Variants in SIPA1L3 observed in about 807,000 individuals in gnomAD.
SIPA1L3 encodes signal-induced proliferation-associated 1-like protein 3.
SIPA1L3 carries 59 observed loss-of-function variants against 150.1 expected under a neutral mutation model. The ratio of observed to expected loss-of-function variants is 0.39; its 90% CI spans 0.32 to 0.49. SIPA1L3 has a LOEUF of 0.49. Ranked by LOEUF, SIPA1L3 falls within the 20% of genes least tolerant of loss-of-function variation. SIPA1L3 has a pLI of 0.86. For synonymous variants in SIPA1L3, 1,070 were observed against 1,077.6 expected (o/e 0.99, Z 0.14); for missense variants, 2,211 against 2,489.5 (o/e 0.89, Z 2.38).
chr19:38,060,662 T>A lies in SIPA1L3; in HGVS notation c.-310-20594T>A, dbSNP rs370149582. On this transcript the variant is annotated intron_variant, in intron 2 of 21. Coordinates refer to ENST00000222345, the MANE Select transcript of SIPA1L3 (RefSeq NM_015073.3). ...AATGAGCTTGGTAGGTAGATAAAAG[T>A]ATAAAATATGTAGCTTGAAAGATTT... Among the ~76,000 whole-genome samples the A allele has an allele frequency of 5.9e-5, 9 of 152,306 alleles. No homozygotes were observed. In the South Asian group the frequency reaches 1.0e-3, roughly 18 times the overall value.
chr19:37,955,706 G>A (rs1053737412), intron 1 of SIPA1L3, among the ~76,000 whole-genome samples: 10 of 152,238 alleles, frequency 6.6e-5, no homozygotes, highest in East Asian at 5.8e-4. Flanking sequence ...CATATCAGTC[G>A]TTCATTTGTT....
chr19:38,132,939 C>T (rs181772743), intron 10 of SIPA1L3, among the ~76,000 whole-genome samples: 11 of 152,276 alleles, frequency 7.2e-5, no homozygotes, highest in East Asian at 3.9e-4. Context: ...TGAGCCACCG[C>T]GCCTGGCCTT....
chr19:38,040,369 T>A (rs962136487), intron 2 of SIPA1L3, among the ~76,000 whole-genome samples: 28 of 151,646 alleles, frequency 1.8e-4, no homozygotes, highest in African/African-American at 6.5e-4. Flanking sequence ...TTAGACAGTT[T>A]TTTTTTTTAA....
At chr19:38,077,269 A>G (rs116870044) in intron 2 of SIPA1L3, among the ~76,000 whole-genome samples, 5,235 of 152,020 alleles carry the variant, frequency 0.034, 137 homozygotes, top group South Asian at 0.084. Context: ...TGGGCAACAT[A>G]CTAAGACCCC....
In SIPA1L3 at chr19:38,182,513, T is replaced by C; in HGVS notation, c.4209-6T>C. ...TTTTTTTATCTCTTTCATTTTTGCT[T>C]TGCAGTGACATGGGCTCGAGGGTTG... is the stretch of plus-strand genomic sequence containing the variant. On this transcript the variant is annotated splice_polypyrimidine_tract_variant and splice_region_variant and intron_variant, in intron 15 of 21. Transcript: ENST00000222345. 1 of 1,587,576 alleles carries C rather than the reference T, an allele frequency of 6.3e-7. No homozygotes were observed.
intron 9 of SIPA1L3, 81 bp from the exon 10 acceptor site, chr19:38,130,417 A>AAGCG (rs1971277587): frequency 6.8e-7 from 1 of 1,477,478 alleles, no homozygotes; most frequent in Non-Finnish European, 9.1e-7. Flanking sequence ...TTTGGCTTCA[A>AAGCG]AGCGGGGAAC....
chr19:37,926,234 C>T (rs573519585), intron 1 of SIPA1L3, among the ~76,000 whole-genome samples: 1 of 152,350 alleles, frequency 6.6e-6, no homozygotes, highest in African/African-American at 2.4e-5. Context: ...TCACCATCCT[C>T]TTTCAGTGAC....
intron 1 of SIPA1L3, among the ~76,000 whole-genome samples, chr19:38,020,139 A>G (rs1250395403): frequency 6.6e-6 from 1 of 152,146 alleles, no homozygotes; most frequent in African/African-American, 2.4e-5. Context: ...CTCACACTTA[A>G]TGCATACTTA....
At chr19:37,993,979 A>G (rs569362472) in intron 1 of SIPA1L3, among the ~76,000 whole-genome samples, 2 of 152,276 alleles carry the variant, frequency 1.3e-5, no homozygotes, top group African/African-American at 4.8e-5. Flanking sequence ...ACTGCAGCCA[A>G]GAATTCCTGG....
At chr19:38,130,866 GA>G in intron 10 of SIPA1L3, 94 bp downstream of exon 10, 1 of 1,386,694 alleles carries the variant, frequency 7.2e-7, no homozygotes, top group Non-Finnish European at 9.8e-7. Flanking sequence ...GGTCCCAATA[GA>G]GGGGGGATAG....
intron 1 of SIPA1L3, among the ~76,000 whole-genome samples, chr19:38,017,624 G>A (rs10418855): frequency 0.032 from 4,788 of 151,146 alleles, 222 homozygotes; most frequent in African/African-American, 0.11. Context: ...TCCTGGGCTC[G>A]AGTGATCCTC....
chr19:38,199,450 C>T (rs937777941), intron 19 of SIPA1L3, among the ~76,000 whole-genome samples: 5 of 152,224 alleles, frequency 3.3e-5, no homozygotes, highest in African/African-American at 9.6e-5. Flanking sequence ...CCAGCCGCTC[C>T]GTGTGCCTGG....
chr19:38,111,897 GCACA>G (rs200462293), intron 8 of SIPA1L3, among the ~76,000 whole-genome samples: 27 of 151,716 alleles, frequency 1.8e-4, no homozygotes, highest in African/African-American at 5.1e-4. Flanking sequence ...ACAGGCACAT[GCACA>G]CACACACATG....
At chr19:38,003,197 T>G (rs1385307362) in intron 1 of SIPA1L3, among the ~76,000 whole-genome samples, 1 of 152,036 alleles carries the variant, frequency 6.6e-6, no homozygotes, top group Non-Finnish European at 1.5e-5. Context: ...AAACATCAAC[T>G]GAAGACCCTA....
chr19:38,020,100 C>G (rs833933), intron 1 of SIPA1L3, among the ~76,000 whole-genome samples: 5 of 131,264 alleles, frequency 3.8e-5, no homozygotes, highest in Admixed American at 8.6e-5. Flanking sequence ...CTCTCTCTCT[C>G]TATATATAAA....
chr19:38,130,568 A>C lies in SIPA1L3; in HGVS notation c.2939A>C (p.His980Pro). 1 of 1,613,856 alleles carries C rather than the reference A, an allele frequency of 6.2e-7. No individual in the cohort carries two copies. The highest frequency in any genetic ancestry group is 1.7e-4 in the Middle Eastern group (1 of 6,044). The part of the protein sequence containing the change: ...RRNGLGQLGF[H>P]VKYDGTVAEV... Reference sequence around the variant, plus strand: ...AACGGGCTCGGGCAGCTGGGCTTCCACGTGAAGTACGACGGCACGGTGGCC... The same window carrying C: ...AACGGGCTCGGGCAGCTGGGCTTCCCCGTGAAGTACGACGGCACGGTGGCC... The change falls in exon 10 of 22, where the codon CAC (histidine) becomes CCC (proline). Residue 980 changes from histidine (H) to proline (P), a missense_variant. This residue lies in a region of SIPA1L3 where 625 missense variants were observed against 804.2 expected (regional missense o/e 0.78). Coordinates refer to ENST00000222345, the MANE Select transcript of SIPA1L3 (RefSeq NM_015073.3).
At chr19:37,997,401 C>G (rs1034778411) in intron 1 of SIPA1L3, among the ~76,000 whole-genome samples, 3 of 151,198 alleles carry the variant, frequency 2.0e-5, no homozygotes, top group Admixed American at 2.0e-4. Context: ...CACCCGATCT[C>G]TACTAAAAAT....
chr19:38,083,138 G>A (rs769622532), intron 3 of SIPA1L3, 39 bp downstream of exon 3: 22 of 1,555,618 alleles, frequency 1.4e-5, no homozygotes, highest in Non-Finnish European at 1.7e-5. Context: ...TGGGTGGGCC[G>A]AGGCTTGCCT....
Position 38,193,761 on chromosome 19 carries a change from C to T in SIPA1L3, c.4821C>T (p.Ser1607=), listed in dbSNP as rs756029752. 2.8e-5 allele frequency: 44 copies of T among 1,572,568 alleles called. No individual in the cohort carries two copies. The highest frequency in any genetic ancestry group is 1.4e-4 in the South Asian group (12 of 87,246). Residue 1607 remains serine, a synonymous_variant, in exon 18 of 22, where the codon AGC becomes AGT. Coordinates refer to ENST00000222345, the MANE Select transcript of SIPA1L3 (RefSeq NM_015073.3). ...VGPGATPAAG[S]GFPEKKSTIS... is the part of the protein sequence containing the mutation. ...CCGGTGCCACCCCTGCCGCCGGCAG[C>T]GGCTTTCCCGAGAAGAAATGTGAGC...
Sources: gnomAD v4.1 joint callset for allele counts (sites outside exome capture counted in the v4.1 genomes callset) on GRCh38, gnomAD v4.1.1 for gene constraint, gnomAD v4.1.1 regional missense constraint, MANE v1.5 for transcripts, NCBI Gene and HGNC (gene_info 2026-07-23, HGNC 2026-07-21) for gene names.